The following TDRD5 variants were observed in gnomAD, a reference collection of about 807,000 sequenced individuals.
TDRD5 encodes tudor domain containing 5, also known as tudor domain-containing protein 5.
Under a neutral mutation model 120.6 loss-of-function variants are expected in TDRD5, and 41 were observed. The ratio of observed to expected loss-of-function variants is 0.34; its 90% confidence interval spans 0.26 to 0.44. The LOEUF is 0.44. Among genes scored for constraint, TDRD5 ranks in the 20% least tolerant of loss-of-function variants. TDRD5 has a pLI of 1.00. For synonymous variants in TDRD5, 430 were observed against 433.7 expected, an observed-to-expected ratio of 0.99 and a Z score of 0.11; for missense variants, 1,006 against 1,221.2, an observed-to-expected ratio of 0.82 and a Z score of 2.63.
intron 8 of TDRD5, 35 bp downstream of exon 8, chr1:179,634,664 C>G (rs759661979): frequency 1.3e-6 from 2 of 1,562,970 alleles, no homozygotes; most frequent in Admixed American, 4.3e-5. Flanking sequence ...ACTGGAGATT[C>G]AGCATTATGG....
At chr1:179,630,631 G>C (rs1475776010) in intron 6 of TDRD5, 136 bp from the exon 7 acceptor site, 14 of 809,608 alleles carry the variant, frequency 1.7e-5, no homozygotes. Flanking sequence ...ATGCTGGTAT[G>C]GAAGTGAGCC....
At chr1:179,682,663 G>A (rs562886312) in intron 17 of TDRD5, among the ~76,000 whole-genome samples, 2 of 151,706 alleles carry the variant, frequency 1.3e-5, no homozygotes, top group South Asian at 2.1e-4. Flanking sequence ...TTTTTGGGGG[G>A]TGGGGAGATG....
intron 11 of TDRD5, among the ~76,000 whole-genome samples, chr1:179,649,586 T>C (rs1008685477): frequency 1.3e-5 from 2 of 152,214 alleles, no homozygotes; most frequent in African/African-American, 4.8e-5. Flanking sequence ...TTAGTTCTGC[T>C]AGATCAATTT....
At chr1:179,609,773 G>C (rs1243679482) in intron 4 of TDRD5, among the ~76,000 whole-genome samples, 1 of 152,144 alleles carries the variant, frequency 6.6e-6, no homozygotes, top group East Asian at 1.9e-4. Context: ...TCAGCCTGTT[G>C]CTTCTTGTTT....
At chr1:179,612,672 T>C (rs1373204841) in intron 4 of TDRD5, among the ~76,000 whole-genome samples, 3 of 152,250 alleles carry the variant, frequency 2.0e-5, no homozygotes, top group East Asian at 3.9e-4. Context: ...CAGTGGCTCA[T>C]GCCTGTAATC....
At chr1:179,612,884 C>T (rs1260165995) in intron 4 of TDRD5, among the ~76,000 whole-genome samples, 1 of 146,660 alleles carries the variant, frequency 6.8e-6, no homozygotes. Context: ...TGCAGTGAGC[C>T]GAGACTGTGC....
chr1:179,635,759 C>T lies in TDRD5; in HGVS notation c.1392C>T (p.Leu464=). 6.2e-7 allele frequency: 1 copy of T among 1,614,062 alleles called. No homozygotes were observed. The highest frequency in any genetic ancestry group is 8.5e-7 in the Non-Finnish European group (1 of 1,180,008). ...TGCCGAACAAGAAATTATGCAGACTCCCACCATTAGACACCAGTTCCCTCA... is the reference window on the plus strand; with the variant it reads ...TGCCGAACAAGAAATTATGCAGACTTCCACCATTAGACACCAGTTCCCTCA... The part of the protein sequence containing the change: ...DAVPNKKLCR[L]PPLDTSSLIG... The change falls in exon 9 of 18, where the codon CTC becomes CTT. Residue 464 remains leucine (L), a synonymous_variant. Coordinates refer to ENST00000444136, the MANE Select transcript of TDRD5 (RefSeq NM_001199085.3).
intron 11 of TDRD5, among the ~76,000 whole-genome samples, chr1:179,650,230 G>A (rs190865686): frequency 1.3e-5 from 2 of 151,818 alleles, no homozygotes; most frequent in South Asian, 2.1e-4. Flanking sequence ...GTGAAACCCC[G>A]TCTCTACTAA....
intron 17 of TDRD5, among the ~76,000 whole-genome samples, chr1:179,674,902 C>A (rs977949994): frequency 6.6e-6 from 1 of 152,126 alleles, no homozygotes; most frequent in Non-Finnish European, 1.5e-5. Flanking sequence ...CATTTCATTT[C>A]TAATTGAGTT....
chr1:179,634,185 C>CA (rs1233707167), intron 7 of TDRD5, among the ~76,000 whole-genome samples: 21 of 143,228 alleles, frequency 1.5e-4, no homozygotes, highest in South Asian at 9.0e-4. Context: ...AACAAAAAAA[C>CA]AAAAAAAAGA....
rs538293367 is a variant in TDRD5 at position 179,635,645 on chromosome 1, ATTT to A, written c.1300-14_1300-12del. The stretch of plus-strand genomic sequence containing the variant: ...TTGAAATGTCACCAAGAGATTTTTA[ATTT>A]TTTTTTTCTAACTTATAGCAAGTAG... On this transcript the variant is annotated intron_variant, in intron 8 of 17. Transcript: ENST00000444136. The A allele has an allele frequency of 1.3e-6, 2 of 1,518,244 alleles. No homozygotes were observed. Among genetic ancestry groups the A allele is most frequent in the Admixed American group, 3.5e-5 (2 of 56,546 alleles). The allele number at this position is 1,518,244 out of a possible 1,614,324, so 94.0% of individuals were successfully genotyped here.
At chr1:179,653,214 A>G (rs1231055780) in intron 13 of TDRD5, among the ~76,000 whole-genome samples, 2 of 152,322 alleles carry the variant, frequency 1.3e-5, no homozygotes, top group Non-Finnish European at 1.5e-5. Context: ...AGGGCCAAAA[A>G]TGTTTTGTTT....
Position 179,599,201 on chromosome 1 carries a change from A to G in TDRD5, c.831+3383A>G, listed in dbSNP as rs181198263. 4.9e-3 allele frequency among the ~76,000 whole-genome samples: 742 copies of G among 152,174 alleles called. 7 individuals carry two copies. Among genetic ancestry groups the G allele is most frequent in the African/African-American group, 0.017 (713 of 41,536 alleles). On this transcript the variant is annotated intron_variant, in intron 4 of 17. Coordinates refer to ENST00000444136, the MANE Select transcript of TDRD5 (RefSeq NM_001199085.3). The stretch of plus-strand genomic sequence containing the variant: ...ATTTCTGGATGAATCCTGCTTGGTC[A>G]TCATATAGTATCCTTTTTATATGTT...
chr1:179,652,183 G>T lies in TDRD5; in HGVS notation c.2146G>T (p.Glu716Ter). The T allele has an allele frequency of 6.2e-7, 1 of 1,607,564 alleles. No individual in the cohort carries two copies. The highest frequency in any genetic ancestry group is 1.1e-5 in the South Asian group (1 of 89,130). ...GATAAGTCCACAGTCAAAAGAGAGT[G>T]AGTTACGTATCTTGGTAAGAGATTT... ...RKISPQSKES[E>*]LRILQDINDE... Residue 716 changes from glutamate to a stop codon, truncating the protein, a stop_gained, in exon 13 of 18, where the codon GAG becomes TAG. Coordinates refer to ENST00000444136, the MANE Select transcript of TDRD5 (RefSeq NM_001199085.3). LOFTEE classifies it high-confidence loss of function.
At chr1:179,604,205 G>T (rs1314654723) in intron 4 of TDRD5, among the ~76,000 whole-genome samples, 1 of 152,032 alleles carries the variant, frequency 6.6e-6, no homozygotes, top group Admixed American at 6.6e-5. Context: ...TTGTATCTCA[G>T]TGGTGTCAGT....
At position 179,630,833 on chromosome 1, in the gene TDRD5, G is replaced by A. The variant is rs1677396987; in HGVS notation, c.1039G>A (p.Ala347Thr). The change falls in exon 7 of 18, where the codon GCT becomes ACT. Residue 347 changes from alanine (A) to threonine (T), a missense_variant. This residue lies in a region of TDRD5 where 445 missense variants were observed against 515.5 expected (regional missense o/e 0.86). Transcript: ENST00000444136. ...CTTAAATGTGACAGAACTTGTTGGA[G>A]CTCTTAGTGACATTCTCCATGTTGA... Reference protein sequence around the residue: ...GFLNVTELVGALSDILHVEFR... With the variant: ...GFLNVTELVGTLSDILHVEFR... 1.2e-6 allele frequency: 2 copies of A among 1,614,080 alleles called. No homozygotes were observed. Among genetic ancestry groups the A allele is most frequent in the East Asian group, 4.5e-5 (2 of 44,862 alleles).
chr1:179,671,370 CCTG>C (rs1679845507), intron 17 of TDRD5, among the ~76,000 whole-genome samples: 1 of 152,080 alleles, frequency 6.6e-6, no homozygotes, highest in African/African-American at 2.4e-5. Flanking sequence ...CTGCACAAAG[CCTG>C]CTAAGATTTT....
At chr1:179,623,930 C>A (rs1113519) in intron 6 of TDRD5, among the ~76,000 whole-genome samples, 1,528 of 152,224 alleles carry the variant, frequency 0.01, 31 homozygotes, top group African/African-American at 0.034. Flanking sequence ...TGAGCCACCA[C>A]ACCTGGCCTC....
intron 4 of TDRD5, among the ~76,000 whole-genome samples, chr1:179,614,467 A>G (rs1422439256): frequency 2.0e-5 from 3 of 152,180 alleles, no homozygotes; most frequent in Middle Eastern, 3.2e-3. Context: ...TTGCTCAAGT[A>G]TGCACACATC....
Sources: allele counts gnomAD v4.1 joint callset (sites outside exome capture counted in the v4.1 genomes callset), GRCh38; gene constraint gnomAD v4.1.1; regional missense constraint gnomAD v4.1.1; transcripts MANE v1.5; gene names NCBI Gene and HGNC (gene_info 2026-07-23, HGNC 2026-07-21).